ARK2C: variants seen among roughly 807,000 people sequenced by gnomAD.
ARK2C encodes the protein arkadia (RNF111) C-terminal like ring finger ubiquitin ligase 2C.
the ARK2C span, chr18:46,337,190 A>G: frequency 5.1e-6 from 5 of 985,312 alleles, no homozygotes; most frequent in Middle Eastern, 5.2e-4. Flanking sequence ...GCCTCCCCAG[A>G]CTGCCATTTG....
the ARK2C span, among the ~76,000 whole-genome samples, chr18:46,350,969 T>G: frequency 1.3e-5 from 2 of 152,314 alleles, no homozygotes; most frequent in East Asian, 3.9e-4. Context: ...CTGGCGTGTG[T>G]GCAGGAGGTG....
the ARK2C span, among the ~76,000 whole-genome samples, chr18:46,338,599 A>G: frequency 6.6e-6 from 1 of 152,166 alleles, no homozygotes; most frequent in Non-Finnish European, 1.5e-5. Flanking sequence ...AGTTGAAAAA[A>G]GAACCCTTAA....
the ARK2C span, among the ~76,000 whole-genome samples, chr18:46,451,927 A>G: frequency 6.6e-6 from 1 of 152,244 alleles, no homozygotes; most frequent in Admixed American, 6.5e-5. Context: ...GTATGTTTCC[A>G]AATATATAAC....
At chr18:46,400,582 C>T in the ARK2C span, among the ~76,000 whole-genome samples, 2 of 152,216 alleles carry the variant, frequency 1.3e-5, no homozygotes, top group South Asian at 4.1e-4. Flanking sequence ...AACACCCGCA[C>T]CTGTTTAGGG....
chr18:46,383,607 T>G, the ARK2C span, among the ~76,000 whole-genome samples: 1 of 141,820 alleles, frequency 7.1e-6, no homozygotes, highest in Non-Finnish European at 1.5e-5. Flanking sequence ...CAGATTGGAG[T>G]ACAGTGGTGC....
the ARK2C span, among the ~76,000 whole-genome samples, chr18:46,432,329 G>A: frequency 2.0e-5 from 3 of 152,172 alleles, no homozygotes; most frequent in Non-Finnish European, 4.4e-5. Flanking sequence ...AAATGATAAT[G>A]TTATAACACA....
chr18:46,402,435 C>A, the ARK2C span, among the ~76,000 whole-genome samples: 2 of 152,172 alleles, frequency 1.3e-5, no homozygotes, highest in South Asian at 2.1e-4. Flanking sequence ...AAATATATCT[C>A]AATATTGCAT....
chr18:46,406,172 C>T, the ARK2C span, among the ~76,000 whole-genome samples: 2 of 152,156 alleles, frequency 1.3e-5, 1 homozygote, highest in Non-Finnish European at 2.9e-5. Flanking sequence ...CCATGTGCAC[C>T]CCCAATACGC....
At chr18:46,382,665 A>T in the ARK2C span, among the ~76,000 whole-genome samples, 1 of 152,212 alleles carries the variant, frequency 6.6e-6, no homozygotes, top group East Asian at 1.9e-4. Flanking sequence ...ATCTCCTCTG[A>T]TGTCCACCAC....
the ARK2C span, among the ~76,000 whole-genome samples, chr18:46,367,594 G>A: frequency 2.0e-5 from 3 of 152,266 alleles, no homozygotes; most frequent in South Asian, 4.2e-4. Flanking sequence ...TCAGTGAAGA[G>A]GTGGACTGTA....
the ARK2C span, among the ~76,000 whole-genome samples, chr18:46,342,070 T>C: frequency 6.6e-6 from 1 of 152,208 alleles, no homozygotes; most frequent in African/African-American, 2.4e-5. Context: ...AGGGGTTTTT[T>C]CGCAATTCAA....
At chr18:46,412,324 G>T in the ARK2C span, among the ~76,000 whole-genome samples, 15 of 152,264 alleles carry the variant, frequency 9.9e-5, no homozygotes, top group Admixed American at 2.0e-4. Flanking sequence ...CAGACCCACA[G>T]CCTTGGTTTC....
the ARK2C span, among the ~76,000 whole-genome samples, chr18:46,389,354 T>TATA: frequency 6.6e-6 from 1 of 152,222 alleles, no homozygotes; most frequent in African/African-American, 2.4e-5. Flanking sequence ...AACATCACTG[T>TATA]AAGTTCTAAA....
chr18:46,382,215 C>A, the ARK2C span, among the ~76,000 whole-genome samples: 1 of 152,056 alleles, frequency 6.6e-6, no homozygotes, highest in African/African-American at 2.4e-5. Context: ...GTCATCTTCC[C>A]CTCCTGCTGA....
the ARK2C span, among the ~76,000 whole-genome samples, chr18:46,342,501 T>C: frequency 1.3e-5 from 2 of 152,194 alleles, no homozygotes; most frequent in African/African-American, 4.8e-5. Flanking sequence ...GGAGGGTGCA[T>C]GGTGGACCAG....
At chr18:46,370,999 T>A in the ARK2C span, among the ~76,000 whole-genome samples, 22 of 152,272 alleles carry the variant, frequency 1.4e-4, no homozygotes, top group African/African-American at 5.1e-4. Flanking sequence ...AAAAGAGGTT[T>A]AACTGACTCA....
At chr18:46,336,830 G>A in the ARK2C span, 1 of 985,206 alleles carries the variant, frequency 1.0e-6, no homozygotes, top group African/African-American at 1.7e-5. Flanking sequence ...GCAGCACCCA[G>A]GCATAACTGA....
the ARK2C span, among the ~76,000 whole-genome samples, chr18:46,363,918 CTTTTCTTTTT>C: frequency 4.1e-5 from 6 of 147,136 alleles, no homozygotes; most frequent in South Asian, 2.2e-4. Context: ...TTTTCTTTTT[CTTTTCTTTTT>C]TTTTCTTTTT....
the ARK2C span, among the ~76,000 whole-genome samples, chr18:46,364,889 C>T: frequency 6.6e-6 from 1 of 152,188 alleles, no homozygotes; most frequent in Non-Finnish European, 1.5e-5. Flanking sequence ...GCCAGCTTTA[C>T]TGGAACTTCA....
Sources: gnomAD v4.1 joint callset for allele counts (sites outside exome capture counted in the v4.1 genomes callset) on GRCh38, gnomAD v4.1.1 for gene constraint, MANE v1.5 for transcripts, NCBI Gene and HGNC (gene_info 2026-07-23, HGNC 2026-07-21) for gene names.